RARB: variants seen among roughly 807,000 people sequenced by gnomAD.
RARB encodes retinoic acid receptor beta.
In RARB, 17 loss-of-function variants were observed where a neutral mutation model predicts 51.9. The ratio of observed to expected loss-of-function variants is 0.33; its 90% confidence interval spans 0.22 to 0.49. The LOEUF is 0.49. Ranked by LOEUF, RARB falls within the 20% of genes least tolerant of loss-of-function variation. The pLI is 0.99. For missense variants in RARB, 369 were observed against 550.8 expected (o/e 0.67, Z 3.30); for synonymous variants, 215 against 195.4 (o/e 1.10, Z -0.84).
intron 2 of RARB, among the ~76,000 whole-genome samples, chr3:25,038,472 G>T (rs1698046504): frequency 6.6e-6 from 1 of 152,138 alleles, no homozygotes; most frequent in African/African-American, 2.4e-5. Flanking sequence ...AACTTGGAGA[G>T]ACTGACCCCC....
chr3:24,843,303 C>G (rs1226550954), intron 1 of RARB, among the ~76,000 whole-genome samples: 1 of 152,096 alleles, frequency 6.6e-6, no homozygotes, highest in Admixed American at 6.5e-5. Flanking sequence ...ATGAAGAGAC[C>G]CCTTAGGGAA....
Position 25,214,496 on chromosome 3 carries a change from G to A in RARB, c.178+39921G>A, listed in dbSNP as rs1701772573. On this transcript the variant is annotated intron_variant, in intron 5 of 11. Transcript: ENST00000383772. Reference sequence around the variant, plus strand: ...AAATAACATATCAGTAAGTATGTATGTAAATATAAATACATAAAATATGAA... The same window carrying A: ...AAATAACATATCAGTAAGTATGTATATAAATATAAATACATAAAATATGAA... Among the ~76,000 whole-genome samples the A allele has an allele frequency of 2.6e-5, 4 of 152,222 alleles. No individual in the cohort carries two copies. In the South Asian group the frequency reaches 8.3e-4, roughly 32 times the overall value.
intron 5 of RARB, among the ~76,000 whole-genome samples, chr3:25,304,681 C>T (rs2125429489): frequency 6.6e-6 from 1 of 152,306 alleles, no homozygotes; most frequent in African/African-American, 2.4e-5. Flanking sequence ...TTGATTTCAC[C>T]TGGGTTATTA....
At chr3:25,211,805 A>C (rs1430874171) in intron 5 of RARB, among the ~76,000 whole-genome samples, 1 of 152,232 alleles carries the variant, frequency 6.6e-6, no homozygotes, top group South Asian at 2.1e-4. Context: ...TTTATAAAAT[A>C]GGTGATGGGC....
chr3:24,981,316 G>T (rs1034338418), intron 2 of RARB, among the ~76,000 whole-genome samples: 5 of 152,150 alleles, frequency 3.3e-5, no homozygotes, highest in Admixed American at 1.3e-4. Context: ...TGTCAGGCAG[G>T]GGGGCTTAAG....
At chr3:25,072,735 G>C (rs1305542196) in intron 3 of RARB, among the ~76,000 whole-genome samples, 2 of 151,634 alleles carry the variant, frequency 1.3e-5, no homozygotes, top group African/African-American at 2.4e-5. Context: ...TTGAGATAGA[G>C]TCTCGCTCTG....
chr3:25,286,321 C>T (rs909598976), intron 5 of RARB, among the ~76,000 whole-genome samples: 2 of 152,114 alleles, frequency 1.3e-5, no homozygotes, highest in African/African-American at 4.8e-5. Flanking sequence ...ATCTCCTGAC[C>T]TCGTGATCCA....
chr3:24,939,414 G>T (rs977638147), intron 2 of RARB, among the ~76,000 whole-genome samples: 2 of 152,208 alleles, frequency 1.3e-5, no homozygotes. Context: ...TTTTATAGAA[G>T]TGATAAATGC....
chr3:24,840,742 T>TAAAAAAAAAAAAAAAAAAAAAA (rs55771334), intron 1 of RARB, among the ~76,000 whole-genome samples: 3 of 70,342 alleles, frequency 4.3e-5, no homozygotes, highest in Non-Finnish European at 5.5e-5. Flanking sequence ...TGAGTAAGAG[T>TAAAAAAAAAAAAAAAAAAAAAA]AAAAAAAAAA....
rs77115742 is a variant in RARB at position 25,208,116 on chromosome 3, G to A, written c.178+33541G>A. On this transcript the variant is annotated intron_variant, in intron 5 of 11. Coordinates refer to the RARB transcript ENST00000383772. ...TTGCAAGGACAGTGCCGAGGGGATGGTGCTAAACCATTCATGAGAAATCTG... is the reference window on the plus strand; with the variant it reads ...TTGCAAGGACAGTGCCGAGGGGATGATGCTAAACCATTCATGAGAAATCTG... Among the ~76,000 whole-genome samples, 1,409 of 152,218 alleles carry A rather than the reference G, an allele frequency of 9.3e-3. 19 individuals are homozygous for A. Among genetic ancestry groups the A allele is most frequent in the African/African-American group, 0.033 (1,358 of 41,500 alleles).
At chr3:25,213,970 C>A (rs1055580571) in intron 5 of RARB, among the ~76,000 whole-genome samples, 3 of 152,130 alleles carry the variant, frequency 2.0e-5, no homozygotes, top group African/African-American at 4.8e-5. Context: ...TGATGGCCAA[C>A]CAAAGCATAG....
chr3:25,004,920 T>G (rs776918981), intron 2 of RARB, among the ~76,000 whole-genome samples: 2 of 152,142 alleles, frequency 1.3e-5, no homozygotes, highest in African/African-American at 2.4e-5. Context: ...GAATTCTAAT[T>G]CTCCATTCCT....
At chr3:25,402,422 C>T (rs1293273630) in intron 5 of RARB, among the ~76,000 whole-genome samples, 1 of 152,124 alleles carries the variant, frequency 6.6e-6, no homozygotes, top group Non-Finnish European at 1.5e-5. Context: ...AAAAATTGAG[C>T]TACCATGTGA....
At chr3:25,129,027 A>G (rs1283809712) in intron 3 of RARB, among the ~76,000 whole-genome samples, 1 of 152,140 alleles carries the variant, frequency 6.6e-6, no homozygotes, top group Non-Finnish European at 1.5e-5. Flanking sequence ...AGTTCTAATG[A>G]GAAACAGCCC....
chr3:25,299,917 T>C (rs1704000924), intron 5 of RARB, among the ~76,000 whole-genome samples: 1 of 152,272 alleles, frequency 6.6e-6, no homozygotes, highest in African/African-American at 2.4e-5. Flanking sequence ...AGAATCTACC[T>C]GAACAGTTTG....
intron 2 of RARB, among the ~76,000 whole-genome samples, chr3:24,914,299 A>G (rs35342260): frequency 0.39 from 59,825 of 151,878 alleles, 12,751 homozygotes; most frequent in Non-Finnish European, 0.48. Flanking sequence ...TGACAAATGG[A>G]TTCTAGGGCC....
intron 5 of RARB, among the ~76,000 whole-genome samples, chr3:25,406,536 C>T (rs1157192736): frequency 6.6e-6 from 1 of 152,218 alleles, no homozygotes; most frequent in Non-Finnish European, 1.5e-5. Flanking sequence ...TGCACACCCC[C>T]AGTGTCTCTT....
chr3:25,292,464 C>G (rs1235348973), intron 5 of RARB, among the ~76,000 whole-genome samples: 1 of 152,110 alleles, frequency 6.6e-6, no homozygotes, highest in African/African-American at 2.4e-5. Flanking sequence ...CCCCGTCTTC[C>G]TTTGAGGTGG....
intron 3 of RARB, among the ~76,000 whole-genome samples, chr3:25,506,956 A>C (rs1697637379): frequency 6.6e-6 from 1 of 152,188 alleles, no homozygotes; most frequent in South Asian, 2.1e-4. Context: ...CTCCTTCTCC[A>C]TCAGTTGAAC....
Sources: allele counts gnomAD v4.1 joint callset (sites outside exome capture counted in the v4.1 genomes callset), GRCh38; gene constraint gnomAD v4.1.1; transcripts MANE v1.5; gene names NCBI Gene and HGNC (gene_info 2026-07-23, HGNC 2026-07-21).